The following RYR3 variants were observed in gnomAD, a reference collection of about 807,000 sequenced individuals.
RYR3 encodes the protein ryanodine receptor 3.
Under a neutral mutation model 584.3 loss-of-function variants are expected in RYR3, and 207 were observed. The ratio of observed to expected loss-of-function variants is 0.35; its 90% confidence interval spans 0.32 to 0.40. The LOEUF (loss-of-function observed/expected upper bound fraction) is 0.40. Among genes scored for constraint, RYR3 ranks in the 10% least tolerant of loss-of-function variants. The probability of loss-of-function intolerance (pLI) is 1.00; values close to 1 mark genes in which losing one functional copy is unlikely to be tolerated. For missense variants in RYR3, 5,616 were observed against 6,089.2 expected (o/e 0.92, Z 2.59); for synonymous variants, 2,416 against 2,248.5 (o/e 1.07, Z -2.11).
intron 1 of RYR3, among the ~76,000 whole-genome samples, chr15:33,429,972 A>G (rs984974155): frequency 6.6e-6 from 1 of 152,256 alleles, no homozygotes; most frequent in African/African-American, 2.4e-5. Flanking sequence ...CCAGTCGTCT[A>G]GGGCCCACAG....
intron 95 of RYR3, 122 bp downstream of exon 95, chr15:33,853,209 G>C: frequency 4.0e-6 from 4 of 992,834 alleles, no homozygotes; most frequent in Middle Eastern, 2.8e-4. Context: ...ATCTCAAGAA[G>C]AGTAAGTCAC....
intron 101 of RYR3, 78 bp downstream of exon 101, chr15:33,860,737 T>G (rs1219156937): frequency 9.2e-7 from 1 of 1,092,088 alleles, no homozygotes; most frequent in African/African-American, 1.6e-5. Flanking sequence ...ACAATAGGTT[T>G]TACTATTACT....
intron 1 of RYR3, among the ~76,000 whole-genome samples, chr15:33,336,430 GAAAGAA>G (rs1970983676): frequency 5.3e-5 from 1 of 18,812 alleles, no homozygotes. Flanking sequence ...AAGAAAGAAA[GAAAGAA>G]AGAAAGAGAG....
chr15:33,399,947 G>A (rs1446003695), intron 1 of RYR3, among the ~76,000 whole-genome samples: 2 of 152,050 alleles, frequency 1.3e-5, no homozygotes, highest in African/African-American at 4.8e-5. Context: ...GCACCTCAAT[G>A]AATTACTACA....
intron 65 of RYR3, among the ~76,000 whole-genome samples, chr15:33,781,918 G>A (rs2074411651): frequency 6.6e-6 from 1 of 151,562 alleles, no homozygotes; most frequent in Non-Finnish European, 1.5e-5. Context: ...AATGAGTCCT[G>A]GCTTTCCACC....
At position 33,864,215 on chromosome 15, in the gene RYR3, G is replaced by A. The variant is rs760151595; in HGVS notation, c.14517+26G>A. On this transcript the variant is annotated intron_variant, in intron 103 of 103. Transcript: ENST00000634891. ...GTGAGAAATTAAGAATCATATACCC[G>A]TGTTAGATCTCCCTTTCCTAAATCT... 27 of 1,571,410 alleles carry A rather than the reference G, an allele frequency of 1.7e-5. No homozygotes were observed. The highest frequency in any genetic ancestry group is 1.7e-4 in the African/African-American group (12 of 71,182).
At chr15:33,625,484 TATATTCTAG>T (rs1394462530) in intron 20 of RYR3, among the ~76,000 whole-genome samples, 1 of 152,158 alleles carries the variant, frequency 6.6e-6, no homozygotes, top group African/African-American at 2.4e-5. Context: ...CTGGGTCCTG[TATATTCTAG>T]ATGTCAGGGA....
In RYR3 at chr15:33,728,874, C is replaced by T. The variant is rs1259008307; in HGVS notation, c.7051C>T (p.Pro2351Ser). 1 of 1,611,786 alleles carries T rather than the reference C, an allele frequency of 6.2e-7. No individual in the cohort carries two copies. The highest frequency in any genetic ancestry group is 2.2e-5 in the East Asian group (1 of 44,874). Reference protein sequence around the residue: ...SLNKDGSVSEPDMAANFCPDH... With the variant: ...SLNKDGSVSESDMAANFCPDH... ...TCTTTCAGATGGGTCGGTCAGTGAG[C>T]CAGATATGGCGGCCAATTTCTGCCC... Residue 2351 changes from proline (P) to serine (S), a missense_variant, in exon 47 of 104, where the codon CCA (proline) becomes TCA (serine). Pro to Ser is a moderately conservative substitution (Grantham distance 74, BLOSUM62 -1). This residue lies in a region of RYR3 where 1,280 missense variants were observed against 1,426.2 expected (regional missense o/e 0.90). Coordinates refer to ENST00000634891, the MANE Select transcript of RYR3 (RefSeq NM_001036.6).
intron 1 of RYR3, among the ~76,000 whole-genome samples, chr15:33,357,271 T>C (rs1483124288): frequency 6.6e-6 from 1 of 152,182 alleles, no homozygotes; most frequent in Non-Finnish European, 1.5e-5. Context: ...AGAAAGATTT[T>C]CTTAATAAAA....
At chr15:33,529,910 G>A (rs1489639467) in intron 3 of RYR3, among the ~76,000 whole-genome samples, 2 of 152,140 alleles carry the variant, frequency 1.3e-5, no homozygotes, top group South Asian at 2.1e-4. Context: ...GCTTTATGTC[G>A]GGCCATCTCT....
At position 33,722,810 on chromosome 15, in the gene RYR3, G is replaced by A. The variant is rs768589973; in HGVS notation, c.6715G>A (p.Gly2239Arg). The A allele has an allele frequency of 3.7e-6, 6 of 1,613,154 alleles. No individual in the cohort carries two copies. The highest frequency in any genetic ancestry group is 1.7e-5 in the Admixed American group (1 of 59,894). The change falls in exon 44 of 104, where the codon GGG (glycine) becomes AGG (arginine). Residue 2239 changes from glycine to arginine, a missense_variant. By Grantham distance (125) the Gly-to-Arg change is moderately radical. Around this residue, in one of 9 missense-constraint regions of RYR3, gnomAD observed 1,280 missense variants for 1,426.2 expected, o/e 0.90. Coordinates refer to ENST00000634891, the MANE Select transcript of RYR3 (RefSeq NM_001036.6). Reference protein sequence around the residue: ...GPALRGEGGNGLLAAMQGAIK... With the variant: ...GPALRGEGGNRLLAAMQGAIK... ...GGCCCTGCGGGGTGAGGGGGGAAACGGGCTCTTGGCAGCCATGCAGGGTGC... is the reference window on the plus strand; with the variant it reads ...GGCCCTGCGGGGTGAGGGGGGAAACAGGCTCTTGGCAGCCATGCAGGGTGC...
intron 24 of RYR3, among the ~76,000 whole-genome samples, chr15:33,633,573 G>T (rs968973046): frequency 1.7e-4 from 26 of 152,320 alleles, no homozygotes; most frequent in African/African-American, 6.3e-4. Context: ...ACCAATGGTA[G>T]GGTTAGTATC....
At chr15:33,552,493 T>G (rs572403864) in intron 10 of RYR3, among the ~76,000 whole-genome samples, 8 of 152,328 alleles carry the variant, frequency 5.3e-5, no homozygotes, top group African/African-American at 1.7e-4. Flanking sequence ...ATGAGTCACA[T>G]TGTCCTGTGC....
intron 19 of RYR3, among the ~76,000 whole-genome samples, chr15:33,620,095 G>C (rs2152580585): frequency 6.6e-6 from 1 of 152,206 alleles, no homozygotes; most frequent in South Asian, 2.1e-4. Context: ...TTTCTGGGAA[G>C]TCCCTTTTTA....
chr15:33,659,998 T>A (rs2063058080), intron 33 of RYR3, among the ~76,000 whole-genome samples, 192 bp downstream of exon 33: 1 of 152,168 alleles, frequency 6.6e-6, no homozygotes, highest in Non-Finnish European at 1.5e-5. Context: ...TTTTCCCACC[T>A]CTTTTGGGTG....
intron 62 of RYR3, 102 bp downstream of exon 62, chr15:33,769,274 C>G: frequency 3.3e-6 from 3 of 913,224 alleles, no homozygotes; most frequent in Non-Finnish European, 5.4e-6. Flanking sequence ...TGCTGCCAGG[C>G]TTTGAGAAGA....
intron 2 of RYR3, among the ~76,000 whole-genome samples, chr15:33,494,604 G>A (rs1017873453): frequency 2.6e-5 from 4 of 151,988 alleles, no homozygotes; most frequent in Non-Finnish European, 5.9e-5. Context: ...ACATTAGAAG[G>A]GGTTTTCTTT....
At chr15:33,615,889 A>G (rs1251897315) in intron 19 of RYR3, among the ~76,000 whole-genome samples, 4 of 152,192 alleles carry the variant, frequency 2.6e-5, no homozygotes, top group African/African-American at 7.2e-5. Context: ...CCTATTTTCC[A>G]TCTTCCCCAC....
chr15:33,671,659 C>G (rs1289356655), intron 38 of RYR3, among the ~76,000 whole-genome samples: 1 of 152,012 alleles, frequency 6.6e-6, no homozygotes, highest in African/African-American at 2.4e-5. Context: ...CAGCAGCACT[C>G]TAAAGCCACA....
Sources: allele counts gnomAD v4.1 joint callset (sites outside exome capture counted in the v4.1 genomes callset), GRCh38; gene constraint gnomAD v4.1.1; regional missense constraint gnomAD v4.1.1; transcripts MANE v1.5; gene names NCBI Gene and HGNC (gene_info 2026-07-23, HGNC 2026-07-21).